FCAR: variants seen among roughly 807,000 people sequenced by gnomAD.
The protein encoded by FCAR is Fc alpha receptor.
Under a neutral mutation model 27.1 loss-of-function variants are expected in FCAR, and 21 were observed. That is an observed-to-expected ratio of 0.77 (90% CI 0.55 to 1.11). The LOEUF (loss-of-function observed/expected upper bound fraction) is 1.11, where lower values mean the gene tolerates loss of function less well. Ranked by LOEUF, FCAR falls within the 50% of genes most tolerant of loss-of-function variation. FCAR has a pLI of 0.00. For synonymous variants in FCAR, 134 were observed against 135.8 expected (o/e 0.99, Z 0.09); for missense variants, 404 against 358.4 (o/e 1.13, Z -1.03).
intron 2 of FCAR, 111 bp downstream of exon 2, chr19:54,875,476 G>C (rs1272848612): frequency 1.6e-5 from 14 of 901,638 alleles, no homozygotes; most frequent in African/African-American, 5.0e-5. Context: ...CCCCATTCTA[G>C]TTGTTTCTGC....
At chr19:54,879,370 A>T (rs7246086) in intron 2 of FCAR, among the ~76,000 whole-genome samples, 24,314 of 152,076 alleles carry the variant, frequency 0.16, 2,063 homozygotes, top group Middle Eastern at 0.23. Flanking sequence ...TGTGTTTTCT[A>T]TTGGCTGGTG....
chr19:54,878,549 ATTTTTTTTTTCTT>A (rs2066228926), intron 2 of FCAR, among the ~76,000 whole-genome samples: 1 of 146,956 alleles, frequency 6.8e-6, no homozygotes, highest in Non-Finnish European at 1.5e-5. Context: ...TCTTTTTTTA[ATTTTTTTTTTCTT>A]TTTCTTTTTG....
At chr19:54,881,407 G>A (rs1447338219) in intron 2 of FCAR, among the ~76,000 whole-genome samples, 3 of 152,122 alleles carry the variant, frequency 2.0e-5, no homozygotes, top group African/African-American at 7.2e-5. Context: ...GTTGCCTCTG[G>A]GAGCTCCGCC....
chr19:54,877,013 G>A (rs1479586206), intron 2 of FCAR, among the ~76,000 whole-genome samples: 1 of 152,176 alleles, frequency 6.6e-6, no homozygotes, highest in African/African-American at 2.4e-5. Flanking sequence ...GTATTTTGTT[G>A]AGGATTTTTG....
chr19:54,885,053 G>A (rs773704808), intron 2 of FCAR, among the ~76,000 whole-genome samples, 182 bp from the exon 3 acceptor site: 1 of 151,952 alleles, frequency 6.6e-6, no homozygotes, highest in Non-Finnish European at 1.5e-5. Flanking sequence ...TGATCCACCC[G>A]CCTCGGCCTC....
intron 2 of FCAR, among the ~76,000 whole-genome samples, chr19:54,878,935 G>A (rs2066261482): frequency 7.1e-6 from 1 of 141,004 alleles, no homozygotes; most frequent in Non-Finnish European, 1.5e-5. Context: ...CTGGAGTGCA[G>A]TGGTATGATC....
At chr19:54,875,278 T>G in intron 1 of FCAR, 52 bp from the exon 2 acceptor site, 2 of 1,533,656 alleles carry the variant, frequency 1.3e-6, no homozygotes, top group Non-Finnish European at 1.8e-6. Context: ...GGGTGATTTG[T>G]CGTAAAGGTT....
chr19:54,889,686 C>G lies in FCAR; in HGVS notation c.687C>G (p.Ile229Met), dbSNP rs746818097. Residue 229 changes from isoleucine to methionine, a missense_variant, in exon 5 of 5, where the codon ATC (isoleucine) becomes ATG (methionine). Physicochemically the swap from Ile to Met is conservative, Grantham distance 10. Coordinates refer to ENST00000355524, the MANE Select transcript of FCAR (RefSeq NM_002000.4). Reference protein sequence around the residue: ...IHQDYTTQNLIRMAVAGLVLV... With the variant: ...IHQDYTTQNLMRMAVAGLVLV... ...AAGATTACACGACGCAGAACTTGATCCGCATGGCCGTGGCAGGACTGGTCC... is the reference window on the plus strand; with the variant it reads ...AAGATTACACGACGCAGAACTTGATGCGCATGGCCGTGGCAGGACTGGTCC... The G allele has an allele frequency of 2.2e-5, 36 of 1,614,146 alleles. No homozygotes were observed. Among genetic ancestry groups the G allele is most frequent in the Non-Finnish European group, 3.0e-5 (35 of 1,180,016 alleles).
intron 2 of FCAR, among the ~76,000 whole-genome samples, chr19:54,879,576 T>A (rs2066292968): frequency 1.3e-5 from 2 of 152,160 alleles, no homozygotes; most frequent in Admixed American, 1.3e-4. Flanking sequence ...AGGCCCCCAA[T>A]CTCTTCTGGA....
chr19:54,882,600 G>T (rs753554118), intron 2 of FCAR, among the ~76,000 whole-genome samples: 1 of 151,704 alleles, frequency 6.6e-6, no homozygotes, highest in African/African-American at 2.4e-5. Flanking sequence ...CACCACGCCC[G>T]GCTAATTTTT....
At chr19:54,876,890 C>T (rs1247383435) in intron 2 of FCAR, among the ~76,000 whole-genome samples, 1 of 152,224 alleles carries the variant, frequency 6.6e-6, no homozygotes, top group African/African-American at 2.4e-5. Flanking sequence ...CACTACACTC[C>T]AGCCTGGGCA....
Position 54,889,872 on chromosome 19 carries a change from A to C in FCAR, c.*9A>C. Reference sequence around the variant, plus strand: ...CAAGTGTCTGCAAGTAAACACCTGGAGGTGAAGGCAGAGAGGAGCCAGGAC... The same window carrying C: ...CAAGTGTCTGCAAGTAAACACCTGGCGGTGAAGGCAGAGAGGAGCCAGGAC... On this transcript the variant is annotated 3_prime_UTR_variant, in exon 5 of 5. Transcript: ENST00000355524. The C allele has an allele frequency of 6.3e-7, 1 of 1,587,628 alleles. No homozygotes were observed. Among genetic ancestry groups the C allele is most frequent in the Non-Finnish European group, 8.6e-7 (1 of 1,168,652 alleles).
intron 4 of FCAR, chr19:54,889,026 C>G (rs2066912748): frequency 3.2e-6 from 1 of 309,538 alleles, no homozygotes; most frequent in Non-Finnish European, 4.7e-6. Flanking sequence ...CAAGATCACG[C>G]CATTGCACTC....
Position 54,888,304 on chromosome 19 carries a change from G to T in FCAR, c.649+10G>T, listed in dbSNP as rs372149163. 1.2e-6 allele frequency: 2 copies of T among 1,612,660 alleles called. No individual in the cohort carries two copies. Among genetic ancestry groups the T allele is most frequent in the Non-Finnish European group, 1.7e-6 (2 of 1,179,408 alleles). ...GAGCTTGTGGTCACAGGTAGGTACC[G>T]CCCAGTCCAGCCCTGTGTCTGGGTT... On this transcript the variant is annotated intron_variant, in intron 4 of 4. Coordinates refer to ENST00000355524, the MANE Select transcript of FCAR (RefSeq NM_002000.4).
rs146064377 is a variant in FCAR at position 54,886,684 on chromosome 19, G to A, written c.361+1159G>A. 5.0e-4 allele frequency among the ~76,000 whole-genome samples: 76 copies of A among 152,070 alleles called. 1 individual carries two copies. Among genetic ancestry groups the A allele is most frequent in the Admixed American group, 1.2e-3 (18 of 15,272 alleles). The stretch of plus-strand genomic sequence containing the variant: ...GCTGGGATTCCAGGCGTGAGCCACC[G>A]TGCCCGGCAGGTGTCATGTATCTTT... On this transcript the variant is annotated intron_variant, in intron 3 of 4. Transcript: ENST00000355524.
In FCAR at chr19:54,887,993, CT is replaced by C. The variant is rs1286360527; in HGVS notation, c.362-10del. On this transcript the variant is annotated splice_polypyrimidine_tract_variant and intron_variant, in intron 3 of 4. Coordinates refer to ENST00000355524, the MANE Select transcript of FCAR (RefSeq NM_002000.4). The stretch of plus-strand genomic sequence containing the variant: ...GAAAAGGTCTTTCTAATAGCTCACT[CT>C]TTTCTCTCTTAGGCTTGTATGGCAA... 2 of 1,587,630 alleles carry C rather than the reference CT, an allele frequency of 1.3e-6. No homozygotes were observed. The highest frequency in any genetic ancestry group is 3.6e-5 in the Admixed American group (2 of 56,028).
intron 4 of FCAR, 107 bp from the exon 5 acceptor site, chr19:54,889,542 C>A: frequency 1.2e-6 from 1 of 854,458 alleles, no homozygotes; most frequent in East Asian, 2.4e-5. Context: ...GAGGGAGTCC[C>A]ATTTTGGCAA....
chr19:54,889,525 G>A (rs758816305), intron 4 of FCAR, 124 bp from the exon 5 acceptor site: 1 of 740,776 alleles, frequency 1.3e-6, no homozygotes, highest in Non-Finnish European at 2.4e-6. Context: ...TCATTGAGGG[G>A]ATGCTTGAGG....
Position 54,882,436 on chromosome 19 carries a change from C to CT in FCAR, c.71-2789dup, listed in dbSNP as rs750724425. Among the ~76,000 whole-genome samples, 148 of 104,380 alleles carry CT rather than the reference C, an allele frequency of 1.4e-3. 1 individual carries two copies. Among genetic ancestry groups the CT allele is most frequent in the African/African-American group, 2.9e-3 (94 of 32,148 alleles). The allele number at this position is 104,380 out of a possible 152,430, so 68.5% of individuals were successfully genotyped here. A position where few individuals can be genotyped will look rare whatever the true frequency, so the allele number is the denominator to read the frequency against. On this transcript the variant is annotated intron_variant, in intron 2 of 4. Coordinates refer to ENST00000355524, the MANE Select transcript of FCAR (RefSeq NM_002000.4). Reference sequence around the variant, plus strand: ...CTTGTGTTGATTCTTTTTTTTTTTTCTTTTTTTTTTCTTTTTTGTGGCAGA... The same window carrying CT: ...CTTGTGTTGATTCTTTTTTTTTTTTCTTTTTTTTTTTCTTTTTTGTGGCAGA...
Sources: allele counts gnomAD v4.1 joint callset (sites outside exome capture counted in the v4.1 genomes callset), GRCh38; gene constraint gnomAD v4.1.1; transcripts MANE v1.5; gene names NCBI Gene and HGNC (gene_info 2026-07-23, HGNC 2026-07-21).